SNTG2: variants seen among roughly 807,000 people sequenced by gnomAD.
SNTG2 encodes the protein gamma-2-syntrophin.
SNTG2 carries 74 observed loss-of-function variants against 70.9 expected under a neutral mutation model. The ratio of observed to expected loss-of-function variants is 1.04; its 90% CI spans 0.86 to 1.27. SNTG2 has a LOEUF of 1.27. Among genes scored for constraint, SNTG2 ranks in the 50% most tolerant of loss-of-function variants. The pLI is 0.00. For missense variants in SNTG2, 717 were observed against 690.7 expected (o/e 1.04, Z -0.43); for synonymous variants, 278 against 273.8 (o/e 1.02, Z -0.15).
At chr2:1,243,930 G>A (rs1677218888) in intron 11 of SNTG2, among the ~76,000 whole-genome samples, 1 of 152,198 alleles carries the variant, frequency 6.6e-6, no homozygotes, top group Admixed American at 6.5e-5. Flanking sequence ...GGAGGCTGAG[G>A]CAGGAGAATC....
chr2:984,760 C>T lies in SNTG2; in HGVS notation c.72+33692C>T, dbSNP rs185357342. Among the ~76,000 whole-genome samples, 65 of 152,306 alleles carry T rather than the reference C, an allele frequency of 4.3e-4. 1 individual carries two copies. In the East Asian group the frequency reaches 0.01, roughly 23 times the overall value. On this transcript the variant is annotated intron_variant, in intron 1 of 16. Transcript: ENST00000308624. ...GTCAGTGTGTTCTCAGCGGGGAAGACGAGGGTAACAGACGTCCAGGTGCTG... is the reference window on the plus strand; with the variant it reads ...GTCAGTGTGTTCTCAGCGGGGAAGATGAGGGTAACAGACGTCCAGGTGCTG...
intron 1 of SNTG2, among the ~76,000 whole-genome samples, chr2:988,898 C>A (rs1661412065): frequency 6.6e-6 from 1 of 152,118 alleles, no homozygotes; most frequent in Admixed American, 6.5e-5. Context: ...TTATTTAGAT[C>A]TCCTTTGAAT....
At chr2:951,303 G>T (rs1349010420) in intron 1 of SNTG2, among the ~76,000 whole-genome samples, 1 of 152,248 alleles carries the variant, frequency 6.6e-6, no homozygotes, top group Non-Finnish European at 1.5e-5. Context: ...TGCAGGCTTT[G>T]CTCCTCCAGC....
In SNTG2 at chr2:1,244,627, C is replaced by G. The variant is rs369234283; in HGVS notation, c.889-2700C>G. 1.1e-4 allele frequency among the ~76,000 whole-genome samples: 15 copies of G among 140,116 alleles called. 1 individual carries two copies. The East Asian group carries it at 2.5e-3, about 24-fold the overall frequency. The allele number at this position is 140,116 out of a possible 152,430, so 91.9% of individuals were successfully genotyped here. On this transcript the variant is annotated intron_variant, in intron 11 of 16. Transcript: ENST00000308624. ...AGGAGAATGGCGTGAACCTGGGAGG[C>G]AGAGCTTGCAGTGAGCCAAGATTGC...
chr2:980,765 T>C (rs1478637650), intron 1 of SNTG2, among the ~76,000 whole-genome samples: 1 of 152,188 alleles, frequency 6.6e-6, no homozygotes, highest in Non-Finnish European at 1.5e-5. Context: ...AACCTTGTTT[T>C]AATATTTGAC....
intron 14 of SNTG2, among the ~76,000 whole-genome samples, chr2:1,269,466 A>G (rs1228442193): frequency 2.6e-5 from 4 of 152,026 alleles, no homozygotes; most frequent in African/African-American, 4.8e-5. Flanking sequence ...GGCTGCAGTG[A>G]GCTATGATGG....
At chr2:1,007,055 A>G (rs562998751) in intron 1 of SNTG2, among the ~76,000 whole-genome samples, 56,442 of 151,686 alleles carry the variant, frequency 0.37, 11,055 homozygotes, top group Middle Eastern at 0.52. Flanking sequence ...AAATAAATAA[A>G]TAAATGTGTA....
chr2:1,163,023 T>C (rs1051984205), intron 6 of SNTG2, among the ~76,000 whole-genome samples: 11 of 152,302 alleles, frequency 7.2e-5, no homozygotes, highest in Middle Eastern at 6.8e-3. Flanking sequence ...GGGCCCAGCC[T>C]GTGGAGCATG....
chr2:996,230 A>G (rs750886386), intron 1 of SNTG2, among the ~76,000 whole-genome samples: 2 of 152,190 alleles, frequency 1.3e-5, no homozygotes, highest in Non-Finnish European at 2.9e-5. Context: ...ATATTTGACA[A>G]TTAGGTAGTT....
At chr2:1,045,624 T>A (rs1284743927) in intron 1 of SNTG2, among the ~76,000 whole-genome samples, 1 of 152,198 alleles carries the variant, frequency 6.6e-6, no homozygotes, top group Non-Finnish European at 1.5e-5. Context: ...TCTGACTTAA[T>A]TTCATTATTT....
intron 8 of SNTG2, among the ~76,000 whole-genome samples, chr2:1,175,119 C>T (rs1172334328): frequency 6.6e-6 from 1 of 152,184 alleles, no homozygotes; most frequent in Non-Finnish European, 1.5e-5. Context: ...CATTAGATCT[C>T]TAAATCCCAT....
At chr2:1,220,323 A>G (rs959275882) in intron 9 of SNTG2, among the ~76,000 whole-genome samples, 1 of 152,218 alleles carries the variant, frequency 6.6e-6, no homozygotes, top group East Asian at 1.9e-4. Context: ...GTCTGGCTTA[A>G]TTTCTATCCA....
intron 2 of SNTG2, among the ~76,000 whole-genome samples, chr2:1,089,539 G>A (rs567064683): frequency 6.6e-5 from 10 of 152,312 alleles, no homozygotes; most frequent in African/African-American, 1.9e-4. Flanking sequence ...GGAGGCTGAA[G>A]CAAGAGAATC....
intron 1 of SNTG2, among the ~76,000 whole-genome samples, chr2:972,123 G>A (rs532274310): frequency 2.2e-4 from 34 of 152,200 alleles, no homozygotes; most frequent in Non-Finnish European, 4.9e-4. Flanking sequence ...TGTTGTTTGG[G>A]GGTATAGAGC....
rs34360699 is a variant in SNTG2, at chr2:1,361,792, G to A, written c.1489-5551G>A. On this transcript the variant is annotated intron_variant, in intron 16 of 16. Transcript: ENST00000308624. ...AGCATTTCAGTAGAACTTCCATGAA[G>A]GTCACCGATGCTGAGCATTTCAGTA... is the stretch of plus-strand genomic sequence containing the variant. 8.8e-3 allele frequency among the ~76,000 whole-genome samples: 221 copies of A among 25,018 alleles called. 8 individuals are homozygous for A. Among genetic ancestry groups the A allele is most frequent in the East Asian group, 0.025 (8 of 320 alleles). 16.4% of individuals were successfully genotyped at this position (25,018 alleles called of 152,430 possible).
intron 7 of SNTG2, among the ~76,000 whole-genome samples, chr2:1,171,923 C>T (rs1321292885): frequency 6.6e-6 from 1 of 152,122 alleles, no homozygotes; most frequent in Non-Finnish European, 1.5e-5. Context: ...CCTGTCTGCA[C>T]CAAGCGAGGC....
intron 4 of SNTG2, among the ~76,000 whole-genome samples, chr2:1,119,964 A>G (rs1667279833): frequency 1.3e-5 from 2 of 152,178 alleles, no homozygotes; most frequent in African/African-American, 4.8e-5. Context: ...GATCACCTTG[A>G]ATATTACAAA....
Position 1,056,959 on chromosome 2 carries a change from AGG to A in SNTG2, c.73-26557_73-26556del, listed in dbSNP as rs1558349448. Among the ~76,000 whole-genome samples, 58 of 6,666 alleles carry A rather than the reference AGG, an allele frequency of 8.7e-3. 5 individuals are homozygous for A. The highest frequency in any genetic ancestry group is 0.031 in the African/African-American group (57 of 1,812). 4.4% of individuals were successfully genotyped at this position (6,666 alleles called of 152,430 possible). A position where few individuals can be genotyped will look rare whatever the true frequency, so the allele number is the denominator to read the frequency against. ...GAGAGCGCGGCGCCCCGCTGTGGGG[AGG>A]GAGGGAGGGAGAGCGCGGGGCCACC... On this transcript the variant is annotated intron_variant, in intron 1 of 16. Transcript: ENST00000308624.
intron 1 of SNTG2, among the ~76,000 whole-genome samples, chr2:1,011,709 A>G (rs1224724591): frequency 6.6e-6 from 1 of 152,184 alleles, no homozygotes; most frequent in Non-Finnish European, 1.5e-5. Flanking sequence ...TTCAGATTTC[A>G]TATGAGGTCT....
Sources: gnomAD v4.1 joint callset for allele counts (sites outside exome capture counted in the v4.1 genomes callset) on GRCh38, gnomAD v4.1.1 for gene constraint, MANE v1.5 for transcripts, NCBI Gene and HGNC (gene_info 2026-07-23, HGNC 2026-07-21) for gene names.